SLC24A2: variants seen among roughly 807,000 people sequenced by gnomAD.
SLC24A2 encodes the protein sodium/potassium/calcium exchanger 2.
Under a neutral mutation model 62.0 loss-of-function variants are expected in SLC24A2, and 36 were observed. That is an observed-to-expected ratio of 0.58 (90% CI 0.44 to 0.77). The LOEUF is 0.77. Among genes scored for constraint, SLC24A2 ranks in the 30% least tolerant of loss-of-function variants. SLC24A2 has a pLI of 0.00. For synonymous variants in SLC24A2, 358 were observed against 294.0 expected (o/e 1.22, Z -2.23); for missense variants, 846 against 817.9 (o/e 1.03, Z -0.42).
the SLC24A2 span, among the ~76,000 whole-genome samples, chr9:20,207,941 C>T: frequency 6.6e-6 from 1 of 152,126 alleles, no homozygotes. Context: ...AAGCACATTC[C>T]TTCAATATTT....
At chr9:20,057,481 G>A in the SLC24A2 span, among the ~76,000 whole-genome samples, 4 of 152,192 alleles carry the variant, frequency 2.6e-5, no homozygotes, top group Non-Finnish European at 5.9e-5. Context: ...GCTGGTCAGA[G>A]TTGGAGCTGT....
At chr9:19,817,058 G>A in the SLC24A2 span, among the ~76,000 whole-genome samples, 4 of 152,202 alleles carry the variant, frequency 2.6e-5, no homozygotes, top group East Asian at 1.9e-4. Context: ...TTTGTGATTC[G>A]TATTATAACA....
intron 2 of SLC24A2, among the ~76,000 whole-genome samples, chr9:19,784,561 CT>C (rs536608192): frequency 2.1e-3 from 318 of 152,306 alleles, no homozygotes; most frequent in Non-Finnish European, 3.5e-3. Flanking sequence ...AAACACAAGA[CT>C]ATCAATGTAC....
At chr9:20,176,055 G>T in the SLC24A2 span, among the ~76,000 whole-genome samples, 3 of 152,016 alleles carry the variant, frequency 2.0e-5, no homozygotes, top group Non-Finnish European at 4.4e-5. Context: ...GTACTGACCA[G>T]TCTCATGCTT....
the SLC24A2 span, among the ~76,000 whole-genome samples, chr9:19,966,110 C>T: frequency 4.2e-4 from 64 of 152,224 alleles, 1 homozygote; most frequent in African/African-American, 1.4e-3. Context: ...TGTAATGTCC[C>T]CTGCTACCTA....
rs1836039004 is a variant in SLC24A2, at chr9:19,577,079, G to C, written c.1130-57C>G. 16 of 1,404,136 alleles carry C rather than the reference G, an allele frequency of 1.1e-5. No homozygotes were observed. The South Asian group carries it at 1.8e-4, about 16-fold the overall frequency. The allele number at this position is 1,404,136 out of a possible 1,614,324, so 87.0% of individuals were successfully genotyped here. ...ACAATGAGAAAGAAGAGAGTCTCAG[G>C]GCCAAGCAGGTATGTGGCCTCCTCA... On this transcript the variant is annotated intron_variant, in intron 5 of 10. Transcript: ENST00000341998.
At chr9:19,771,852 C>A (rs979141930) in intron 2 of SLC24A2, among the ~76,000 whole-genome samples, 1 of 152,126 alleles carries the variant, frequency 6.6e-6, no homozygotes, top group Non-Finnish European at 1.5e-5. Context: ...CATACAATTA[C>A]AAAGTGCTGT....
chr9:20,206,277 C>T, the SLC24A2 span, among the ~76,000 whole-genome samples: 1 of 152,044 alleles, frequency 6.6e-6, no homozygotes, highest in African/African-American at 2.4e-5. Context: ...GCTGGATTTT[C>T]TACATGTAGT....
the SLC24A2 span, among the ~76,000 whole-genome samples, chr9:20,013,678 T>C: frequency 6.6e-6 from 1 of 152,160 alleles, no homozygotes; most frequent in Non-Finnish European, 1.5e-5. Context: ...TTGAATATCA[T>C]GTGTCTGACA....
At chr9:19,788,800 A>C (rs1416416581) in intron 1 of SLC24A2, 85 bp downstream of exon 1, 12 of 985,286 alleles carry the variant, frequency 1.2e-5, no homozygotes, top group South Asian at 4.7e-5. Context: ...CCTGCAGAGC[A>C]GCAACGGGAT....
At chr9:19,867,039 G>T in the SLC24A2 span, among the ~76,000 whole-genome samples, 6 of 151,998 alleles carry the variant, frequency 3.9e-5, no homozygotes, top group African/African-American at 1.4e-4. Flanking sequence ...TAATTTAATT[G>T]TACATTTAAA....
chr9:20,056,387 T>C, the SLC24A2 span, among the ~76,000 whole-genome samples: 3 of 152,156 alleles, frequency 2.0e-5, no homozygotes, highest in African/African-American at 4.8e-5. Context: ...TAGACAAGGA[T>C]GTGGGATGGG....
chr9:20,160,190 G>C, the SLC24A2 span, among the ~76,000 whole-genome samples: 1 of 151,184 alleles, frequency 6.6e-6, no homozygotes, highest in Non-Finnish European at 1.5e-5. Context: ...ATTTTTAAAG[G>C]AAGCAGAAAA....
intron 7 of SLC24A2, among the ~76,000 whole-genome samples, chr9:19,561,354 G>A (rs1835391312): frequency 6.6e-6 from 1 of 152,078 alleles, no homozygotes; most frequent in Admixed American, 6.5e-5. Context: ...CTTATTGGAA[G>A]GCAATGCCAT....
chr9:19,732,725 C>T (rs1317027824), intron 2 of SLC24A2, among the ~76,000 whole-genome samples: 1 of 152,158 alleles, frequency 6.6e-6, no homozygotes, highest in Non-Finnish European at 1.5e-5. Flanking sequence ...ATGCAGAACC[C>T]AGGCCTGCCT....
intron 3 of SLC24A2, among the ~76,000 whole-genome samples, chr9:19,621,719 T>C (rs961306261): frequency 6.6e-6 from 1 of 152,210 alleles, no homozygotes; most frequent in African/African-American, 2.4e-5. Flanking sequence ...ATGGTCCTTA[T>C]TCTGCGAAAC....
At chr9:19,546,349 G>C (rs1834568232) in intron 8 of SLC24A2, among the ~76,000 whole-genome samples, 1 of 152,200 alleles carries the variant, frequency 6.6e-6, no homozygotes, top group Admixed American at 6.5e-5. Context: ...CTATATGTTT[G>C]GGGGTACTGC....
the SLC24A2 span, among the ~76,000 whole-genome samples, chr9:19,864,351 A>G: frequency 2.6e-5 from 4 of 151,994 alleles, no homozygotes; most frequent in African/African-American, 9.7e-5. Flanking sequence ...CTGATACCCA[A>G]ACAAGACAAA....
Position 19,624,730 on chromosome 9 carries a change from G to A in SLC24A2, c.931-2431C>T, listed in dbSNP as rs1333962796. ...GTAAATTTAGGTATACACACAAATG[G>A]CAGCGGAGGCCATTAAAACACCCCT... On this transcript the variant is annotated intron_variant, in intron 2 of 10. Coordinates refer to ENST00000341998, the MANE Select transcript of SLC24A2 (RefSeq NM_020344.4). Among the ~76,000 whole-genome samples, 3 of 152,104 alleles carry A rather than the reference G, an allele frequency of 2.0e-5. No individual in the cohort carries two copies. The South Asian group carries it at 6.2e-4, about 32-fold the overall frequency.
Sources: allele counts gnomAD v4.1 joint callset (sites outside exome capture counted in the v4.1 genomes callset), GRCh38; gene constraint gnomAD v4.1.1; transcripts MANE v1.5; gene names NCBI Gene and HGNC (gene_info 2026-07-23, HGNC 2026-07-21).